ATP6V1C2: variants seen among roughly 807,000 people sequenced by gnomAD.
ATP6V1C2 encodes V-type proton ATPase subunit C 2.
Under a neutral mutation model 56.8 loss-of-function variants are expected in ATP6V1C2, and 45 were observed. That is an observed-to-expected ratio of 0.79 (90% CI 0.62 to 1.02). The LOEUF is 1.02. Among genes scored for constraint, ATP6V1C2 ranks in the 50% least tolerant of loss-of-function variants. The pLI, the probability that ATP6V1C2 is intolerant of heterozygous loss-of-function variation, is 0.00. For missense variants in ATP6V1C2, 463 were observed against 519.7 expected (o/e 0.89, Z 1.06); for synonymous variants, 220 against 201.3 (o/e 1.09, Z -0.79).
At position 10,782,370 on chromosome 2, in the gene ATP6V1C2, C is replaced by G. The variant is rs996140875; in HGVS notation, c.1189C>G (p.Leu397Val). ...HLDEVAATSI[L>V]DASVEIPGLQ... is the part of the protein sequence containing the mutation. The stretch of plus-strand genomic sequence containing the variant: ...GGATGAAGTAGCCGCTACAAGTATA[C>G]TGGATGTAGGTATCCAGAAACAGCA... Residue 397 changes from leucine to valine, a missense_variant, in exon 13 of 14, where the codon CTG (leucine) becomes GTG (valine). Physicochemically the swap from Leu to Val is conservative, Grantham distance 32. Coordinates refer to ENST00000272238, the MANE Select transcript of ATP6V1C2 (RefSeq NM_001039362.2). The G allele has an allele frequency of 6.2e-7, 1 of 1,614,056 alleles. No individual in the cohort carries two copies. Among genetic ancestry groups the G allele is most frequent in the African/African-American group, 1.3e-5 (1 of 74,944 alleles).
chr2:10,729,690 T>C (rs1174661549), intron 3 of ATP6V1C2, among the ~76,000 whole-genome samples: 2 of 152,188 alleles, frequency 1.3e-5, no homozygotes, highest in African/African-American at 4.8e-5. Context: ...ACCCTCTCTC[T>C]ACAAAAAGTA....
At chr2:10,722,704 A>G (rs930313695) in intron 1 of ATP6V1C2, 120 bp from the exon 2 acceptor site, 16 of 1,114,998 alleles carry the variant, frequency 1.4e-5, no homozygotes, top group Non-Finnish European at 2.0e-5. Flanking sequence ...TTGCAAATGG[A>G]TGTCCTTGGA....
intron 3 of ATP6V1C2, among the ~76,000 whole-genome samples, chr2:10,734,042 C>T (rs1012538074): frequency 5.9e-5 from 9 of 152,300 alleles, no homozygotes; most frequent in African/African-American, 1.9e-4. Flanking sequence ...CTTTTCTTCT[C>T]TGTTGGTGGA....
At chr2:10,767,256 G>A (rs994654060) in intron 5 of ATP6V1C2, among the ~76,000 whole-genome samples, 5 of 144,668 alleles carry the variant, frequency 3.5e-5, no homozygotes, top group Non-Finnish European at 7.5e-5. Context: ...CACCTCCCTG[G>A]TTCAAGCAAT....
chr2:10,728,545 C>T (rs973382625), intron 3 of ATP6V1C2, among the ~76,000 whole-genome samples: 1 of 151,956 alleles, frequency 6.6e-6, no homozygotes, highest in Non-Finnish European at 1.5e-5. Context: ...TTTGAATAGA[C>T]TGGTGGATTG....
chr2:10,747,494 G>T (rs1477051359), intron 3 of ATP6V1C2, among the ~76,000 whole-genome samples: 4 of 152,074 alleles, frequency 2.6e-5, no homozygotes, highest in African/African-American at 9.7e-5. Context: ...TTAGTATGAT[G>T]ATCAAAATCA....
intron 3 of ATP6V1C2, among the ~76,000 whole-genome samples, chr2:10,730,300 G>A (rs1427410277): frequency 6.6e-6 from 1 of 152,086 alleles, no homozygotes; most frequent in Admixed American, 6.6e-5. Flanking sequence ...ATTTTTAGTA[G>A]AGATGGGGTT....
intron 3 of ATP6V1C2, among the ~76,000 whole-genome samples, chr2:10,728,760 G>A (rs1393409897): frequency 7.2e-6 from 1 of 138,354 alleles, no homozygotes; most frequent in African/African-American, 2.7e-5. Flanking sequence ...GGGCGAAAGA[G>A]TGACACCCTG....
chr2:10,769,320 G>C (rs1032492702), intron 6 of ATP6V1C2, among the ~76,000 whole-genome samples: 1 of 152,216 alleles, frequency 6.6e-6, no homozygotes, highest in South Asian at 2.1e-4. Flanking sequence ...CAGGATGGTG[G>C]AGATGCCAGA....
chr2:10,746,498 C>T (rs1021691099), intron 3 of ATP6V1C2, among the ~76,000 whole-genome samples: 1 of 151,770 alleles, frequency 6.6e-6, no homozygotes, highest in East Asian at 1.9e-4. Context: ...CTGCAACCTC[C>T]ACCTCCCAGG....
At chr2:10,730,967 T>C (rs1661918156) in intron 3 of ATP6V1C2, among the ~76,000 whole-genome samples, 1 of 151,590 alleles carries the variant, frequency 6.6e-6, no homozygotes, top group African/African-American at 2.4e-5. Flanking sequence ...ATTTTTTTTT[T>C]CATGAGACAG....
At chr2:10,783,144 C>T (rs770284783) in intron 13 of ATP6V1C2, 30 bp from the exon 14 acceptor site, 2 of 1,556,642 alleles carry the variant, frequency 1.3e-6, no homozygotes, top group African/African-American at 1.4e-5. Context: ...AGTTTATGCA[C>T]TTAGAGCATT....
intron 3 of ATP6V1C2, among the ~76,000 whole-genome samples, chr2:10,728,516 A>G (rs1276775426): frequency 1.3e-5 from 2 of 152,174 alleles, no homozygotes; most frequent in Non-Finnish European, 2.9e-5. Flanking sequence ...GTTACTGTGA[A>G]TAGATGTACC....
intron 3 of ATP6V1C2, among the ~76,000 whole-genome samples, chr2:10,738,582 C>T (rs1410283555): frequency 6.6e-6 from 1 of 152,230 alleles, no homozygotes; most frequent in African/African-American, 2.4e-5. Context: ...GCCTTTTTCA[C>T]TTAACACCGT....
chr2:10,747,563 A>G (rs1662989814), intron 3 of ATP6V1C2, among the ~76,000 whole-genome samples: 1 of 152,172 alleles, frequency 6.6e-6, no homozygotes, highest in Admixed American at 6.5e-5. Flanking sequence ...GCTTGTCTCA[A>G]TAGTGTGCTT....
Position 10,763,604 on chromosome 2 carries a change from A to G in ATP6V1C2, c.284-727A>G, listed in dbSNP as rs1439534767. ...AGGGCCCTCTGCCAGGGGCACAGGA[A>G]TTCCAGGGGCCACCGTGGCGCTGCA... On this transcript the variant is annotated intron_variant, in intron 4 of 13. Coordinates refer to ENST00000272238, the MANE Select transcript of ATP6V1C2 (RefSeq NM_001039362.2). The surrounding 1 kb of genome is among the most constrained non-coding windows in gnomAD (Gnocchi z 4.2). Among the ~76,000 whole-genome samples, 2 of 152,104 alleles carry G rather than the reference A, an allele frequency of 1.3e-5. No homozygotes were observed. Among genetic ancestry groups the G allele is most frequent in the Non-Finnish European group, 2.9e-5 (2 of 68,002 alleles).
At chr2:10,778,709 A>G in intron 12 of ATP6V1C2, 40 bp downstream of exon 12, 1 of 1,601,448 alleles carries the variant, frequency 6.2e-7, no homozygotes, top group South Asian at 1.1e-5. Context: ...TGTCCTGAGG[A>G]TGGGCAGGGT....
chr2:10,741,991 A>G (rs1293251818), intron 3 of ATP6V1C2, among the ~76,000 whole-genome samples: 4 of 151,040 alleles, frequency 2.6e-5, no homozygotes, highest in Non-Finnish European at 4.4e-5. Context: ...GCTCGCTGCA[A>G]TCTCGCTTCC....
In ATP6V1C2 at chr2:10,782,435, C is replaced by T. The variant is rs149168800; in HGVS notation, c.1194+60C>T. 6,714 of 1,581,766 alleles carry T rather than the reference C, an allele frequency of 4.2e-3. 18 individuals carry two copies. The highest frequency in any genetic ancestry group is 5.2e-3 in the Non-Finnish European group (5,985 of 1,159,530). ...AGCTCAGCATCTTACTTTCAAAAAA[C>T]TGGTATCTGCCTGTAATCCCAACAC... On this transcript the variant is annotated intron_variant, in intron 13 of 13. Transcript: ENST00000272238.
Sources: allele counts gnomAD v4.1 joint callset (sites outside exome capture counted in the v4.1 genomes callset), GRCh38; gene constraint gnomAD v4.1.1; non-coding constraint Gnocchi (gnomAD v3.1); transcripts MANE v1.5; gene names NCBI Gene and HGNC (gene_info 2026-07-23, HGNC 2026-07-21).